The following PABPC4L variants were observed in gnomAD, a reference collection of about 807,000 sequenced individuals.
The protein encoded by PABPC4L is polyadenylate-binding protein 4-like.
For synonymous variants in PABPC4L, 169 were observed against 164.1 expected, an observed-to-expected ratio of 1.03 and a Z score of -0.23; for missense variants, 452 against 451.4, an observed-to-expected ratio of 1.00 and a Z score of -0.01.
At chr4:133,965,399 G>A in the PABPC4L span, among the ~76,000 whole-genome samples, 9 of 152,074 alleles carry the variant, frequency 5.9e-5, 1 homozygote, top group South Asian at 1.9e-3. Context: ...ACTGCCAAAA[G>A]CAATCTACAA....
At chr4:133,951,694 G>T in the PABPC4L span, among the ~76,000 whole-genome samples, 1 of 152,160 alleles carries the variant, frequency 6.6e-6, no homozygotes, top group Non-Finnish European at 1.5e-5. Flanking sequence ...CAGGACTGGG[G>T]TTGGGATGAG....
chr4:134,048,707 G>A, the PABPC4L span, among the ~76,000 whole-genome samples: 1 of 151,828 alleles, frequency 6.6e-6, no homozygotes, highest in East Asian at 1.9e-4. Flanking sequence ...ATTTCCTTTT[G>A]ATCTTGAATA....
the PABPC4L span, among the ~76,000 whole-genome samples, chr4:134,173,086 G>A: frequency 7.2e-6 from 1 of 139,270 alleles, no homozygotes; most frequent in Non-Finnish European, 1.5e-5. Flanking sequence ...TGTGGAGAAA[G>A]AGAAACTCTT....
rs1729861573 is a variant in PABPC4L, at chr4:134,201,073, T to G, written c.-54A>C. The G allele has an allele frequency of 1.3e-6, 2 of 1,551,396 alleles. No homozygotes were observed. The highest frequency in any genetic ancestry group is 1.7e-6 in the Non-Finnish European group (2 of 1,146,962). ...CCCCTGGAGTTCTTTGAGCAATCCC[T>G]GTGGGGGGATACTAGGTCACAGCTT... On this transcript the variant is annotated 5_prime_UTR_variant, in exon 2 of 2. Transcript: ENST00000421491.
the PABPC4L span, among the ~76,000 whole-genome samples, chr4:134,114,325 A>G: frequency 6.6e-6 from 1 of 151,844 alleles, no homozygotes; most frequent in Non-Finnish European, 1.5e-5. Context: ...TGCAGATGTA[A>G]CAAACCTCAT....
chr4:134,122,988 A>T, the PABPC4L span, among the ~76,000 whole-genome samples: 1 of 152,000 alleles, frequency 6.6e-6, no homozygotes, highest in Non-Finnish European at 1.5e-5. Context: ...CTCATCATTT[A>T]CAGTAGTTAC....
In PABPC4L at chr4:134,200,816, C is replaced by T; in HGVS notation, c.204G>A (p.Leu68=). The change falls in exon 2 of 2, where the codon CTG becomes CTA. Residue 68 remains leucine (L), a synonymous_variant. Transcript: ENST00000421491. ...TTATGATGTCAAAGTTCATTGTGTCCAGCGCCTTCTGGGCATCAGCCAGCT... is the reference window on the plus strand; with the variant it reads ...TTATGATGTCAAAGTTCATTGTGTCTAGCGCCTTCTGGGCATCAGCCAGCT... ...FLQLADAQKA[L]DTMNFDIIKG... is the part of the protein sequence containing the mutation. 6.4e-7 allele frequency: 1 copy of T among 1,552,990 alleles called. No homozygotes were observed. Among genetic ancestry groups the T allele is most frequent in the African/African-American group, 1.4e-5 (1 of 73,212 alleles).
chr4:134,057,163 A>T, the PABPC4L span, among the ~76,000 whole-genome samples: 1 of 152,036 alleles, frequency 6.6e-6, no homozygotes, highest in Admixed American at 6.6e-5. Context: ...TCTCATGCTG[A>T]CATCTTTCTC....
chr4:134,156,661 C>T, the PABPC4L span, among the ~76,000 whole-genome samples: 3 of 151,402 alleles, frequency 2.0e-5, no homozygotes, highest in East Asian at 1.9e-4. Context: ...TATTGGGTAC[C>T]TGTTAATAAA....
chr4:134,023,751 A>G, the PABPC4L span, among the ~76,000 whole-genome samples: 1 of 152,012 alleles, frequency 6.6e-6, no homozygotes, highest in Non-Finnish European at 1.5e-5. Context: ...ATTGATTTTT[A>G]TCATCTTTAC....
the PABPC4L span, among the ~76,000 whole-genome samples, chr4:133,980,234 G>C: frequency 6.6e-6 from 1 of 152,004 alleles, no homozygotes; most frequent in African/African-American, 2.4e-5. Flanking sequence ...CAAAATCTAG[G>C]CTTCTTATAT....
chr4:133,954,879 G>C, the PABPC4L span, among the ~76,000 whole-genome samples: 1 of 152,168 alleles, frequency 6.6e-6, no homozygotes, highest in African/African-American at 2.4e-5. Context: ...CCCCACAGGA[G>C]AGAAAGATGG....
At chr4:134,139,730 G>T in the PABPC4L span, among the ~76,000 whole-genome samples, 1 of 149,668 alleles carries the variant, frequency 6.7e-6, no homozygotes, top group Non-Finnish European at 1.5e-5. Context: ...ACTTTGCTAT[G>T]CCCAGGCTGG....
chr4:134,042,380 T>C, the PABPC4L span, among the ~76,000 whole-genome samples: 3 of 152,182 alleles, frequency 2.0e-5, no homozygotes, highest in African/African-American at 4.8e-5. Context: ...TAAAATCCTA[T>C]ACTTCACCAC....
the PABPC4L span, among the ~76,000 whole-genome samples, chr4:134,004,930 C>T: frequency 6.6e-6 from 1 of 151,644 alleles, no homozygotes; most frequent in Non-Finnish European, 1.5e-5. Context: ...CCAGAAAGTA[C>T]ATTGGTGGTT....
the PABPC4L span, among the ~76,000 whole-genome samples, chr4:133,990,817 GTTCCTT>G: frequency 6.6e-6 from 1 of 152,130 alleles, no homozygotes; most frequent in Non-Finnish European, 1.5e-5. Context: ...ATCGAGATAA[GTTCCTT>G]TACATTCCCT....
the PABPC4L span, among the ~76,000 whole-genome samples, chr4:134,013,945 C>T: frequency 5.9e-5 from 9 of 152,036 alleles, no homozygotes; most frequent in East Asian, 1.7e-3. Flanking sequence ...CGTGACTAGC[C>T]CTCCCCCACC....
At chr4:134,007,346 A>G in the PABPC4L span, among the ~76,000 whole-genome samples, 2 of 151,820 alleles carry the variant, frequency 1.3e-5, no homozygotes, top group African/African-American at 4.8e-5. Context: ...TTTTTCAAAA[A>G]AAAAATGACA....
chr4:134,086,166 A>G, the PABPC4L span, among the ~76,000 whole-genome samples: 3 of 151,974 alleles, frequency 2.0e-5, no homozygotes, highest in Non-Finnish European at 4.4e-5. Context: ...TAATGTAAGA[A>G]GTTGGGTTTT....
Sources: gnomAD v4.1 joint callset for allele counts (sites outside exome capture counted in the v4.1 genomes callset) on GRCh38, gnomAD v4.1.1 for gene constraint, MANE v1.5 for transcripts, NCBI Gene and HGNC (gene_info 2026-07-23, HGNC 2026-07-21) for gene names.